MAF: variants seen among roughly 807,000 people sequenced by gnomAD.
MAF encodes MAF bZIP transcription factor.
MAF carries 10 observed loss-of-function variants against 22.0 expected under a neutral mutation model. That is an observed-to-expected ratio of 0.45 (90% CI 0.28 to 0.77). The LOEUF (loss-of-function observed/expected upper bound fraction) is 0.77. Ranked by LOEUF, MAF falls within the 30% of genes least tolerant of loss-of-function variation. The probability of loss-of-function intolerance (pLI) is 0.12; values close to 1 mark genes in which losing one functional copy is unlikely to be tolerated. For synonymous variants in MAF, 337 were observed against 255.8 expected (o/e 1.32, Z -3.03); for missense variants, 544 against 548.4 (o/e 0.99, Z 0.08).
chr16:79,441,407 G>C, the MAF span, among the ~76,000 whole-genome samples: 2 of 152,214 alleles, frequency 1.3e-5, no homozygotes, highest in African/African-American at 2.4e-5. Flanking sequence ...TAATAAATCT[G>C]TTTGGTTTTG....
At chr16:79,262,585 G>C in the MAF span, among the ~76,000 whole-genome samples, 3 of 152,230 alleles carry the variant, frequency 2.0e-5, no homozygotes, top group South Asian at 2.1e-4. Flanking sequence ...TGTGACAATG[G>C]CAATTTGTTC....
At chr16:79,458,910 T>A in the MAF span, among the ~76,000 whole-genome samples, 3 of 152,212 alleles carry the variant, frequency 2.0e-5, no homozygotes, top group Non-Finnish European at 4.4e-5. Context: ...CTAAACAAGC[T>A]ACAGGAAAAT....
the MAF span, among the ~76,000 whole-genome samples, chr16:79,208,364 GA>G: frequency 7.2e-6 from 1 of 139,718 alleles, no homozygotes; most frequent in East Asian, 2.0e-4. Context: ...ACAGGCTTCT[GA>G]TAAATGATTG....
the MAF span, among the ~76,000 whole-genome samples, chr16:79,414,142 G>A: frequency 2.0e-5 from 3 of 152,174 alleles, no homozygotes; most frequent in Admixed American, 6.5e-5. Flanking sequence ...AACATTGGCT[G>A]AGCTCTTGTT....
At chr16:79,294,165 T>C in the MAF span, among the ~76,000 whole-genome samples, 1 of 152,160 alleles carries the variant, frequency 6.6e-6, no homozygotes, top group South Asian at 2.1e-4. Context: ...TCAGCTTCTT[T>C]GGGGATAATG....
chr16:79,295,528 C>G, the MAF span, among the ~76,000 whole-genome samples: 1 of 152,220 alleles, frequency 6.6e-6, no homozygotes, highest in East Asian at 1.9e-4. Flanking sequence ...CATGTGTGGG[C>G]TACTGTCTGT....
chr16:79,587,469 C>T (rs914328216), intron 1 of MAF, among the ~76,000 whole-genome samples: 8 of 151,498 alleles, frequency 5.3e-5, no homozygotes, highest in Admixed American at 1.3e-4. Flanking sequence ...CTTTTAGAAA[C>T]GCCAGTGAAT....
the MAF span, among the ~76,000 whole-genome samples, chr16:79,556,949 C>T: frequency 3.3e-5 from 5 of 150,500 alleles, no homozygotes; most frequent in South Asian, 1.0e-3. Context: ...CGAGTTTCTA[C>T]CATCCTTGTA....
chr16:79,503,469 G>A, the MAF span, among the ~76,000 whole-genome samples: 1 of 152,162 alleles, frequency 6.6e-6, no homozygotes, highest in Non-Finnish European at 1.5e-5. Flanking sequence ...GAGAACTTAA[G>A]CCACTATCAT....
chr16:79,268,142 C>T, the MAF span, among the ~76,000 whole-genome samples: 1 of 152,122 alleles, frequency 6.6e-6, no homozygotes, highest in Non-Finnish European at 1.5e-5. Flanking sequence ...GGCCTCGTTG[C>T]TTCTGTTATG....
chr16:79,268,148 T>A, the MAF span, among the ~76,000 whole-genome samples: 2 of 152,132 alleles, frequency 1.3e-5, no homozygotes, highest in African/African-American at 4.8e-5. Flanking sequence ...GTTGCTTCTG[T>A]TATGCCCTCC....
chr16:79,296,058 G>A, the MAF span, among the ~76,000 whole-genome samples: 2 of 152,228 alleles, frequency 1.3e-5, no homozygotes, highest in Non-Finnish European at 2.9e-5. Context: ...GCTGATGGCT[G>A]TGGAATGGGA....
At chr16:79,317,748 C>T in the MAF span, among the ~76,000 whole-genome samples, 1 of 152,178 alleles carries the variant, frequency 6.6e-6, no homozygotes, top group Non-Finnish European at 1.5e-5. Context: ...GCCTGGCTGC[C>T]GATTTGCTCT....
the MAF span, among the ~76,000 whole-genome samples, chr16:79,301,442 A>C: frequency 6.6e-6 from 1 of 152,170 alleles, no homozygotes; most frequent in African/African-American, 2.4e-5. Flanking sequence ...ATTTGAGGGA[A>C]TGAGTCTTTC....
At chr16:79,542,512 A>G in the MAF span, among the ~76,000 whole-genome samples, 1 of 152,164 alleles carries the variant, frequency 6.6e-6, no homozygotes, top group Non-Finnish European at 1.5e-5. Flanking sequence ...CACCCCCCAG[A>G]CATCTCTGAG....
chr16:79,594,623 T>C, intron 1 of MAF, 70 bp from the exon 2 acceptor site: 1 of 1,530,884 alleles, frequency 6.5e-7, no homozygotes, highest in South Asian at 1.3e-5. Flanking sequence ...AGGGGAAAGC[T>C]AGATTTCCTC....
At chr16:79,476,471 T>G in the MAF span, among the ~76,000 whole-genome samples, 22 of 152,194 alleles carry the variant, frequency 1.4e-4, no homozygotes, top group African/African-American at 5.3e-4. Context: ...GAAGTGTGCA[T>G]CGACATTTGA....
chr16:79,325,598 A>AACACACACACACACACACAC, the MAF span, among the ~76,000 whole-genome samples: 2 of 145,534 alleles, frequency 1.4e-5, no homozygotes, highest in African/African-American at 5.0e-5. Flanking sequence ...CCCAGACACA[A>AACACACACACACACACACAC]ACACACACAC....
the MAF span, among the ~76,000 whole-genome samples, chr16:79,277,872 C>T: frequency 6.6e-6 from 1 of 152,102 alleles, no homozygotes; most frequent in Non-Finnish European, 1.5e-5. Flanking sequence ...TATATCTGTG[C>T]CTCCTAAAGT....
Sources: allele counts gnomAD v4.1 joint callset (sites outside exome capture counted in the v4.1 genomes callset), GRCh38; gene constraint gnomAD v4.1.1; transcripts MANE v1.5; gene names NCBI Gene and HGNC (gene_info 2026-07-23, HGNC 2026-07-21).